Variants in CTNNA3 observed in about 807,000 individuals in gnomAD.
The protein encoded by CTNNA3 is catenin alpha-3.
A neutral mutation model predicts 95.7 loss-of-function variants in CTNNA3; 76 were observed. The ratio of observed to expected loss-of-function variants is 0.79; its 90% CI spans 0.66 to 0.96. CTNNA3 has a LOEUF of 0.96. CTNNA3 is among the 40% of genes least tolerant of loss of function. The pLI is 0.00. For synonymous variants in CTNNA3, 431 were observed against 374.4 expected (o/e 1.15, Z -1.74); for missense variants, 1,191 against 1,089.8 (o/e 1.09, Z -1.31).
intron 11 of CTNNA3, among the ~76,000 whole-genome samples, chr10:66,463,834 T>C (rs1274441320): frequency 4.0e-5 from 6 of 151,456 alleles, no homozygotes; most frequent in Non-Finnish European, 8.8e-5. Flanking sequence ...AACGATGCTC[T>C]GGCAAAAGAG....
intron 7 of CTNNA3, among the ~76,000 whole-genome samples, chr10:67,150,127 T>A (rs1861025588): frequency 6.6e-6 from 1 of 152,196 alleles, no homozygotes; most frequent in African/African-American, 2.4e-5. Flanking sequence ...CAGTGTTTAA[T>A]GTTACTTAAT....
chr10:67,527,801 GT>G (rs1166096275), intron 4 of CTNNA3, among the ~76,000 whole-genome samples: 5 of 152,188 alleles, frequency 3.3e-5, no homozygotes, highest in East Asian at 3.8e-4. Context: ...CATGGCAATA[GT>G]TTTTTAAGAT....
rs115555019 is a variant in CTNNA3, at chr10:66,490,762, G to A, written c.1531+29855C>T. Among the ~76,000 whole-genome samples the A allele has an allele frequency of 4.1e-3, 630 of 152,078 alleles. 9 individuals carry two copies. The highest frequency in any genetic ancestry group is 0.015 in the African/African-American group (609 of 41,496). On this transcript the variant is annotated intron_variant, in intron 11 of 17. Coordinates refer to ENST00000433211, the MANE Select transcript of CTNNA3 (RefSeq NM_013266.4). ...CCTAGCAGAAGCATGTGTGTAGTTC[G>A]CATCTTCTCTTTACCTGGCCTCTAT...
chr10:67,176,892 G>C (rs1862266734), intron 7 of CTNNA3: 1 of 487,536 alleles, frequency 2.1e-6, no homozygotes, highest in Non-Finnish European at 4.1e-6. Flanking sequence ...AAAAATAATG[G>C]ACTCTTCCCT....
chr10:67,011,105 G>A (rs1162915182), intron 7 of CTNNA3, among the ~76,000 whole-genome samples: 2 of 152,046 alleles, frequency 1.3e-5, no homozygotes, highest in African/African-American at 2.4e-5. Flanking sequence ...CAAGGCAGAC[G>A]GATCACGAAG....
intron 14 of CTNNA3, among the ~76,000 whole-genome samples, chr10:66,072,751 T>C (rs1262337075): frequency 6.6e-6 from 1 of 152,080 alleles, no homozygotes; most frequent in East Asian, 1.9e-4. Flanking sequence ...CATCTCCCCT[T>C]ATCTGCCAAA....
intron 7 of CTNNA3, among the ~76,000 whole-genome samples, chr10:67,114,446 T>G (rs1859067909): frequency 6.6e-6 from 1 of 152,162 alleles, no homozygotes; most frequent in Non-Finnish European, 1.5e-5. Flanking sequence ...AAATCTAATT[T>G]AATTGAATTA....
chr10:67,465,551 A>C (rs1325227522), intron 5 of CTNNA3, among the ~76,000 whole-genome samples: 2 of 152,194 alleles, frequency 1.3e-5, no homozygotes, highest in Non-Finnish European at 2.9e-5. Context: ...TCAAGTAAAG[A>C]GCACATTTCA....
intron 7 of CTNNA3, among the ~76,000 whole-genome samples, chr10:67,002,845 T>C (rs1851762313): frequency 6.6e-6 from 1 of 152,054 alleles, no homozygotes. Flanking sequence ...TTCATATAAA[T>C]AAAAAACAAT....
At chr10:67,086,894 T>G (rs184100801) in intron 7 of CTNNA3, among the ~76,000 whole-genome samples, 3 of 152,026 alleles carry the variant, frequency 2.0e-5, no homozygotes, top group Non-Finnish European at 2.9e-5. Context: ...CATTAACTGA[T>G]GTAGTGTTAT....
intron 13 of CTNNA3, among the ~76,000 whole-genome samples, chr10:66,182,732 T>A (rs568363403): frequency 0.044 from 5,688 of 128,800 alleles, 363 homozygotes; most frequent in African/African-American, 0.17. Flanking sequence ...AAAAAGATGA[T>A]TTTTTTTTAA....
At chr10:66,845,729 A>ATAAATAAATAAATAAATAAATAAATAC (rs1297933220) in intron 7 of CTNNA3, among the ~76,000 whole-genome samples, 1 of 87,736 alleles carries the variant, frequency 1.1e-5, no homozygotes, top group African/African-American at 3.7e-5. Context: ...AAAAAAAAAA[A>ATAAATAAATAAATAAATAAATAAATAC]CTAAAAAGGT....
chr10:66,747,487 C>T lies in CTNNA3; in HGVS notation c.1281+18777G>A, dbSNP rs138183491. On this transcript the variant is annotated intron_variant, in intron 9 of 17. Transcript: ENST00000433211. ...TCACTACAATCCTGTTTTAATGCAG[C>T]AGGTAGCTTTATAGCTGTGAATTTT... is the stretch of plus-strand genomic sequence containing the variant. Among the ~76,000 whole-genome samples, 132 of 152,262 alleles carry T rather than the reference C, an allele frequency of 8.7e-4. 2 individuals are homozygous for T. Among genetic ancestry groups the T allele is most frequent in the African/African-American group, 3.1e-3 (128 of 41,552 alleles).
rs148452731 is a variant in CTNNA3 at position 67,570,861 on chromosome 10, C to T, written c.293-31192G>A. On this transcript the variant is annotated intron_variant, in intron 3 of 17. Transcript: ENST00000433211. Reference sequence around the variant, plus strand: ...TTTTGGTTCATCATTTTCATACTGGCCATCCAGTGCTGGAACTCCTCAAAG... The same window carrying T: ...TTTTGGTTCATCATTTTCATACTGGTCATCCAGTGCTGGAACTCCTCAAAG... Among the ~76,000 whole-genome samples, 877 of 152,196 alleles carry T rather than the reference C, an allele frequency of 5.8e-3. 9 individuals carry two copies. Among genetic ancestry groups the T allele is most frequent in the Middle Eastern group, 0.017 (5 of 294 alleles).
chr10:67,506,549 G>A (rs1466493752), intron 5 of CTNNA3, among the ~76,000 whole-genome samples: 2 of 152,192 alleles, frequency 1.3e-5, no homozygotes, highest in African/African-American at 4.8e-5. Context: ...TGCATGACTG[G>A]TGTGTGCCTG....
chr10:66,057,710 G>GA (rs1363408266), intron 15 of CTNNA3, among the ~76,000 whole-genome samples: 1 of 151,814 alleles, frequency 6.6e-6, no homozygotes, highest in Non-Finnish European at 1.5e-5. Context: ...TATCCAATAG[G>GA]AAAAAAAGTA....
At chr10:66,700,904 T>C (rs939320198) in intron 9 of CTNNA3, among the ~76,000 whole-genome samples, 1 of 152,174 alleles carries the variant, frequency 6.6e-6, no homozygotes, top group Non-Finnish European at 1.5e-5. Flanking sequence ...TAGCACATGG[T>C]GTAGCCAATA....
intron 7 of CTNNA3, among the ~76,000 whole-genome samples, chr10:67,146,468 A>T (rs1233766857): frequency 6.6e-6 from 1 of 152,196 alleles, no homozygotes; most frequent in African/African-American, 2.4e-5. Context: ...ATATATACAC[A>T]ACACTGTTCA....
intron 7 of CTNNA3, among the ~76,000 whole-genome samples, chr10:66,992,505 A>G (rs928478863): frequency 1.3e-5 from 2 of 151,778 alleles, no homozygotes; most frequent in Admixed American, 1.3e-4. Flanking sequence ...TGCATTACAA[A>G]TATGTTCTTC....
Sources: gnomAD v4.1 joint callset for allele counts (sites outside exome capture counted in the v4.1 genomes callset) on GRCh38, gnomAD v4.1.1 for gene constraint, MANE v1.5 for transcripts, NCBI Gene and HGNC (gene_info 2026-07-23, HGNC 2026-07-21) for gene names.